Variants in QTMAN observed in about 807,000 individuals in gnomAD.
QTMAN encodes tRNA-queuosine alpha-mannosyltransferase.
At chr2:144,282,674 C>T in the QTMAN span, among the ~76,000 whole-genome samples, 1 of 151,938 alleles carries the variant, frequency 6.6e-6, no homozygotes, top group Non-Finnish European at 1.5e-5. Flanking sequence ...TGGTCTCTGT[C>T]CCTGGTTCCT....
the QTMAN span, among the ~76,000 whole-genome samples, chr2:144,108,303 G>A: frequency 6.6e-6 from 1 of 152,156 alleles, no homozygotes; most frequent in Admixed American, 6.5e-5. Context: ...TAGGAAAAGA[G>A]GAAGTCAAAT....
the QTMAN span, among the ~76,000 whole-genome samples, chr2:144,324,245 C>T: frequency 6.6e-6 from 1 of 152,106 alleles, no homozygotes; most frequent in Non-Finnish European, 1.5e-5. Context: ...CTACAAGAGT[C>T]TTATACAGTT....
chr2:144,045,350 C>A, the QTMAN span, among the ~76,000 whole-genome samples: 2 of 152,200 alleles, frequency 1.3e-5, no homozygotes, highest in African/African-American at 2.4e-5. Flanking sequence ...ATGTCTTTGA[C>A]TTTTATTTTG....
the QTMAN span, among the ~76,000 whole-genome samples, chr2:144,070,516 A>T: frequency 1.3e-5 from 2 of 152,184 alleles, no homozygotes; most frequent in Admixed American, 1.3e-4. Context: ...TGAAATACAT[A>T]ACACAATACA....
chr2:144,190,202 CTATT>C, the QTMAN span, among the ~76,000 whole-genome samples: 1 of 152,074 alleles, frequency 6.6e-6, no homozygotes, highest in Non-Finnish European at 1.5e-5. Flanking sequence ...TCAAGATTGG[CTATT>C]TATTTACACT....
At chr2:143,943,856 G>C in the QTMAN span, 3 of 152,190 alleles carry the variant, frequency 2.0e-5, no homozygotes, top group Admixed American at 2.0e-4. Context: ...GTATAAATGA[G>C]AAGGTTAAGA....
chr2:143,960,001 C>T, the QTMAN span, among the ~76,000 whole-genome samples: 5 of 151,980 alleles, frequency 3.3e-5, 1 homozygote, highest in Admixed American at 2.0e-4. Context: ...CATCAGAGTG[C>T]GTCAAATGTA....
At chr2:144,240,779 G>A in the QTMAN span, among the ~76,000 whole-genome samples, 2 of 152,178 alleles carry the variant, frequency 1.3e-5, no homozygotes, top group African/African-American at 4.8e-5. Flanking sequence ...CTAGGCCAAA[G>A]CAATTGTTTT....
the QTMAN span, among the ~76,000 whole-genome samples, chr2:144,245,071 G>C: frequency 6.6e-6 from 1 of 152,210 alleles, no homozygotes; most frequent in Non-Finnish European, 1.5e-5. Flanking sequence ...AAATGAGACA[G>C]TGTCCCTTCA....
chr2:144,041,944 AG>A, the QTMAN span, among the ~76,000 whole-genome samples: 539 of 152,256 alleles, frequency 3.5e-3, 2 homozygotes, highest in Non-Finnish European at 5.1e-3. Context: ...ATATGTGGAG[AG>A]GGGACAAAAG....
chr2:143,995,294 A>G, the QTMAN span, among the ~76,000 whole-genome samples: 1 of 152,286 alleles, frequency 6.6e-6, no homozygotes, highest in East Asian at 1.9e-4. Context: ...ATGAAAAAAG[A>G]TGACTTTATT....
chr2:144,281,417 A>AC, the QTMAN span, among the ~76,000 whole-genome samples: 1 of 150,382 alleles, frequency 6.6e-6, no homozygotes, highest in Admixed American at 6.6e-5. Flanking sequence ...AAAAAAAAAA[A>AC]ACGGAAAATA....
At chr2:144,212,485 A>AAAC in the QTMAN span, among the ~76,000 whole-genome samples, 1 of 152,128 alleles carries the variant, frequency 6.6e-6, no homozygotes, top group East Asian at 1.9e-4. Context: ...AGAACAACAA[A>AAAC]AACAACAACG....
the QTMAN span, among the ~76,000 whole-genome samples, chr2:144,040,449 C>T: frequency 6.6e-6 from 1 of 152,004 alleles, no homozygotes; most frequent in African/African-American, 2.4e-5. Flanking sequence ...TCTCTGTTTG[C>T]CCTACTTGGA....
At chr2:144,326,586 CAAA>C in the QTMAN span, among the ~76,000 whole-genome samples, 1 of 43,732 alleles carries the variant, frequency 2.3e-5, no homozygotes, top group Admixed American at 2.2e-4. Flanking sequence ...GACTCCATCT[CAAA>C]AAAAAAAAAA....
the QTMAN span, among the ~76,000 whole-genome samples, chr2:144,262,414 TAAA>T: frequency 6.6e-6 from 1 of 150,942 alleles, no homozygotes; most frequent in African/African-American, 2.4e-5. Context: ...AATTAAAAAT[TAAA>T]AAATAAGCTG....
chr2:144,141,850 AC>A, the QTMAN span: 1 of 1,481,778 alleles, frequency 6.7e-7, no homozygotes, highest in South Asian at 1.2e-5. Flanking sequence ...AATTTATGAC[AC>A]AATATTGAGA....
chr2:144,314,638 G>A, the QTMAN span, among the ~76,000 whole-genome samples: 10 of 152,216 alleles, frequency 6.6e-5, no homozygotes, highest in South Asian at 2.1e-4. Flanking sequence ...GCGTGAACCC[G>A]GGAGGCAAAG....
At chr2:144,239,156 G>GT in the QTMAN span, among the ~76,000 whole-genome samples, 2 of 144,574 alleles carry the variant, frequency 1.4e-5, no homozygotes, top group African/African-American at 5.3e-5. Context: ...TATACGCACT[G>GT]TTAAAAAAAA....
Sources: allele counts gnomAD v4.1 joint callset (sites outside exome capture counted in the v4.1 genomes callset), GRCh38; gene constraint gnomAD v4.1.1; transcripts MANE v1.5; gene names NCBI Gene and HGNC (gene_info 2026-07-23, HGNC 2026-07-21).